ENOX2: variants seen among roughly 807,000 people sequenced by gnomAD.
The protein encoded by ENOX2 is APK1 antigen.
In ENOX2, 36 loss-of-function variants were observed where a neutral mutation model predicts 45.0. The ratio of observed to expected loss-of-function variants is 0.80; its 90% confidence interval spans 0.61 to 1.06. The LOEUF (loss-of-function observed/expected upper bound fraction) is 1.06, where lower values mean the gene tolerates loss of function less well. Among genes scored for constraint, ENOX2 ranks in the 50% least tolerant of loss-of-function variants. The pLI is 0.00. For synonymous variants in ENOX2, 174 were observed against 152.3 expected (o/e 1.14, Z -1.05); for missense variants, 423 against 462.5 (o/e 0.91, Z 0.78).
chrX:130,821,224 A>G (rs1459201129), intron 2 of ENOX2, among the ~76,000 whole-genome samples: 1 of 109,219 alleles, frequency 9.2e-6, no homozygotes, highest in Non-Finnish European at 1.9e-5. Flanking sequence ...TCATGCTGCT[A>G]TAAAGACACA....
chrX:130,646,437 C>T (rs967816763), intron 10 of ENOX2: 1 of 189,601 alleles, frequency 5.3e-6, no homozygotes, highest in Non-Finnish European at 9.8e-6. Flanking sequence ...AAGACAAAGG[C>T]AGCGTTAGGA....
At chrX:130,763,267 C>T (rs2039536818) in intron 3 of ENOX2, among the ~76,000 whole-genome samples, 1 of 110,886 alleles carries the variant, frequency 9.0e-6, no homozygotes. Flanking sequence ...ATGTAGAAGT[C>T]CAGGTTCCCT....
chrX:130,791,207 T>G (rs771719567), intron 2 of ENOX2, among the ~76,000 whole-genome samples: 95 of 111,732 alleles, frequency 8.5e-4, no homozygotes, highest in African/African-American at 3.0e-3. Context: ...AGAGCATGCC[T>G]TGTGTTACAG....
At chrX:130,749,534 G>T (rs2039166781) in intron 3 of ENOX2, among the ~76,000 whole-genome samples, 1 of 111,557 alleles carries the variant, frequency 9.0e-6, no homozygotes, top group Non-Finnish European at 1.9e-5. Flanking sequence ...GGGGACAAGT[G>T]TTCTACCTAA....
chrX:130,742,245 C>CT (rs67776619), intron 3 of ENOX2, among the ~76,000 whole-genome samples: 2,117 of 60,071 alleles, frequency 0.035, 230 homozygotes, highest in African/African-American at 0.071. Flanking sequence ...AGATAATTTC[C>CT]TTTTTTTTTT....
chrX:130,866,456 ATTTATT>A (rs764097340), intron 2 of ENOX2, among the ~76,000 whole-genome samples: 2 of 111,965 alleles, frequency 1.8e-5, no homozygotes, highest in East Asian at 5.6e-4. Flanking sequence ...TCTGGCTTTA[ATTTATT>A]TATCCAGCTA....
intron 2 of ENOX2, among the ~76,000 whole-genome samples, chrX:130,876,008 G>A (rs909161661): frequency 1.8e-5 from 2 of 111,747 alleles, no homozygotes; most frequent in African/African-American, 3.3e-5. Flanking sequence ...TGGTAGGACC[G>A]TAAAATTGTG....
chrX:130,854,408 G>A (rs1294017309), intron 2 of ENOX2, among the ~76,000 whole-genome samples: 1 of 111,695 alleles, frequency 9.0e-6, no homozygotes, highest in Non-Finnish European at 1.9e-5. Context: ...CCTCAAGGAC[G>A]TGTAGCACAA....
At chrX:130,750,678 T>C (rs762667559) in intron 3 of ENOX2, among the ~76,000 whole-genome samples, 187 of 111,481 alleles carry the variant, frequency 1.7e-3, no homozygotes, top group African/African-American at 5.8e-3. Flanking sequence ...TCTGTTGCTC[T>C]CTCTTCCCAA....
chrX:130,897,614 C>T (rs1030200832), intron 2 of ENOX2, among the ~76,000 whole-genome samples: 1 of 112,078 alleles, frequency 8.9e-6, no homozygotes, highest in African/African-American at 3.2e-5. Context: ...CTAATCCATA[C>T]AGTCCACATC....
At chrX:130,877,959 A>G (rs751798990) in intron 2 of ENOX2, among the ~76,000 whole-genome samples, 8 of 112,036 alleles carry the variant, frequency 7.1e-5, no homozygotes, top group African/African-American at 2.6e-4. Context: ...CATGTCAAAA[A>G]TCTCCAATGG....
intron 2 of ENOX2, among the ~76,000 whole-genome samples, chrX:130,801,733 T>C (rs188611044): frequency 8.9e-5 from 10 of 111,986 alleles, no homozygotes; most frequent in Admixed American, 3.8e-4. Context: ...AGTAGATACA[T>C]TGTCAAATGT....
chrX:130,836,667 C>G (rs760930543), intron 2 of ENOX2, among the ~76,000 whole-genome samples: 1 of 111,801 alleles, frequency 8.9e-6, no homozygotes. Flanking sequence ...TGATAAGCTA[C>G]GTTCCTAGCT....
At chrX:130,835,055 CAG>C (rs747013646) in intron 2 of ENOX2, among the ~76,000 whole-genome samples, 57 of 110,911 alleles carry the variant, frequency 5.1e-4, no homozygotes, top group African/African-American at 1.8e-3. Context: ...TGATACTAAA[CAG>C]AACCAAATCA....
chrX:130,649,586 C>T (rs917751932), intron 10 of ENOX2, among the ~76,000 whole-genome samples: 71 of 112,057 alleles, frequency 6.3e-4, no homozygotes, highest in African/African-American at 2.0e-3. Flanking sequence ...GATGGCCATG[C>T]AATGATCCTG....
chrX:130,895,677 G>C (rs972899780), intron 2 of ENOX2, among the ~76,000 whole-genome samples: 1 of 112,075 alleles, frequency 8.9e-6, no homozygotes, highest in African/African-American at 3.2e-5. Flanking sequence ...AACATTTTGT[G>C]AGTAAGAGAC....
chrX:130,720,872 T>C (rs1042228090), intron 3 of ENOX2, among the ~76,000 whole-genome samples: 1 of 111,383 alleles, frequency 9.0e-6, no homozygotes, highest in Non-Finnish European at 1.9e-5. Flanking sequence ...AAGTCCCAAG[T>C]ATAGAGCGAC....
chrX:130,694,304 C>A (rs2037692852), intron 4 of ENOX2, among the ~76,000 whole-genome samples: 1 of 111,624 alleles, frequency 9.0e-6, no homozygotes, highest in Non-Finnish European at 1.9e-5. Flanking sequence ...ACTAGACTGA[C>A]CATGATTTTT....
chrX:130,879,643 C>G (rs2078771142), intron 2 of ENOX2, among the ~76,000 whole-genome samples: 1 of 112,014 alleles, frequency 8.9e-6, no homozygotes, highest in Non-Finnish European at 1.9e-5. Flanking sequence ...CTAAGAAGAA[C>G]AACTTCTTTA....
Sources: gnomAD v4.1 joint callset for allele counts (sites outside exome capture counted in the v4.1 genomes callset) on GRCh38, gnomAD v4.1.1 for gene constraint, MANE v1.5 for transcripts, NCBI Gene and HGNC (gene_info 2026-07-23, HGNC 2026-07-21) for gene names.